LRP1B: variants seen among roughly 807,000 people sequenced by gnomAD.
The protein encoded by LRP1B is LDL receptor related protein 1B, also known as low-density lipoprotein receptor-related protein 1B.
A neutral mutation model predicts 556.6 loss-of-function variants in LRP1B; 217 were observed. The observed-to-expected ratio is 0.39, with a 90% confidence interval of 0.35 to 0.44. LRP1B has a LOEUF of 0.44. Among genes scored for constraint, LRP1B ranks in the 20% least tolerant of loss-of-function variants. The pLI is 1.00. For synonymous variants in LRP1B, 2,047 were observed against 1,865.8 expected, an observed-to-expected ratio of 1.10 and a Z score of -2.50; for missense variants, 5,053 against 5,620.8, an observed-to-expected ratio of 0.90 and a Z score of 3.23.
In LRP1B at chr2:141,684,308, A is replaced by G. The variant is rs530710374; in HGVS notation, c.205+125971T>C. 4.6e-5 allele frequency among the ~76,000 whole-genome samples: 7 copies of G among 152,280 alleles called. No individual in the cohort carries two copies. The East Asian group carries it at 1.2e-3, about 25-fold the overall frequency. On this transcript the variant is annotated intron_variant, in intron 2 of 90. Coordinates refer to ENST00000389484, the MANE Select transcript of LRP1B (RefSeq NM_018557.3). ...ATGAGTTCATGCCCATTGCAGGGAC[A>G]TGGATGAAGATGGAAACCATCATTC...
At chr2:141,002,301 A>T (rs1415467506) in intron 15 of LRP1B, among the ~76,000 whole-genome samples, 2 of 152,104 alleles carry the variant, frequency 1.3e-5, no homozygotes, top group African/African-American at 4.8e-5. Flanking sequence ...TAGAATAGGT[A>T]CAAATTTGTA....
intron 3 of LRP1B, among the ~76,000 whole-genome samples, chr2:141,462,088 A>G (rs1681897831): frequency 6.6e-6 from 1 of 152,192 alleles, no homozygotes; most frequent in Non-Finnish European, 1.5e-5. Flanking sequence ...TAAAGTTGGT[A>G]TAAATCAATT....
At chr2:141,999,885 G>A (rs1023909826) in intron 1 of LRP1B, among the ~76,000 whole-genome samples, 16 of 151,220 alleles carry the variant, frequency 1.1e-4, no homozygotes, top group South Asian at 2.1e-4. Context: ...TCCCTAATTT[G>A]GTAATTAAAA....
At chr2:140,430,502 C>G (rs1473679211) in intron 66 of LRP1B, among the ~76,000 whole-genome samples, 1 of 152,148 alleles carries the variant, frequency 6.6e-6, no homozygotes, top group Non-Finnish European at 1.5e-5. Flanking sequence ...TTGCTCTAGG[C>G]AATGCTTATG....
At chr2:141,592,828 A>C (rs1200776819) in intron 2 of LRP1B, among the ~76,000 whole-genome samples, 3 of 152,152 alleles carry the variant, frequency 2.0e-5, no homozygotes, top group African/African-American at 4.8e-5. Flanking sequence ...AATCCTTGGT[A>C]CTCTGGAGTG....
At chr2:141,125,594 A>G (rs1474038717) in intron 7 of LRP1B, among the ~76,000 whole-genome samples, 2 of 152,170 alleles carry the variant, frequency 1.3e-5, no homozygotes, top group Non-Finnish European at 2.9e-5. Context: ...ACGCCCTTGC[A>G]CAGTGAAGGC....
At chr2:140,479,081 G>A (rs1688106536) in intron 59 of LRP1B, among the ~76,000 whole-genome samples, 1 of 151,882 alleles carries the variant, frequency 6.6e-6, no homozygotes, top group Non-Finnish European at 1.5e-5. Flanking sequence ...TTATACTGAA[G>A]GAAAATGTTG....
chr2:141,264,870 C>T (rs999722234), intron 3 of LRP1B, among the ~76,000 whole-genome samples: 7 of 152,146 alleles, frequency 4.6e-5, no homozygotes, highest in Admixed American at 1.3e-4. Context: ...TGTGCCTGGT[C>T]AAGCCTTGGG....
intron 35 of LRP1B, among the ~76,000 whole-genome samples, chr2:140,738,953 A>T (rs1205861023): frequency 6.6e-6 from 1 of 152,196 alleles, no homozygotes; most frequent in East Asian, 1.9e-4. Flanking sequence ...AAGTAAATAG[A>T]AACAGCAATA....
chr2:141,750,300 C>T (rs1694063586), intron 2 of LRP1B, among the ~76,000 whole-genome samples: 1 of 152,078 alleles, frequency 6.6e-6, no homozygotes, highest in Non-Finnish European at 1.5e-5. Context: ...TGATAATTGC[C>T]CTTCTATTTC....
intron 20 of LRP1B, among the ~76,000 whole-genome samples, chr2:140,937,382 G>T (rs1695260629): frequency 6.6e-6 from 1 of 152,096 alleles, no homozygotes; most frequent in Admixed American, 6.6e-5. Context: ...ACTTATATTA[G>T]ATACTTAGAG....
intron 3 of LRP1B, among the ~76,000 whole-genome samples, chr2:141,458,266 C>T (rs1244350397): frequency 2.0e-5 from 3 of 152,158 alleles, no homozygotes; most frequent in Non-Finnish European, 2.9e-5. Flanking sequence ...AGTGTTTCTA[C>T]TTTTCTCCTT....
At chr2:141,915,964 C>T (rs1015360612) in intron 1 of LRP1B, among the ~76,000 whole-genome samples, 31 of 152,098 alleles carry the variant, frequency 2.0e-4, no homozygotes, top group African/African-American at 4.6e-4. Flanking sequence ...AAAGAGAATG[C>T]GTATACATTG....
At chr2:140,391,224 A>C (rs1478593467) in intron 66 of LRP1B, among the ~76,000 whole-genome samples, 1 of 152,178 alleles carries the variant, frequency 6.6e-6, no homozygotes, top group Non-Finnish European at 1.5e-5. Context: ...ATAAGTCAAA[A>C]ATATTTTTGA....
intron 86 of LRP1B, among the ~76,000 whole-genome samples, chr2:140,254,553 GTTTGT>G (rs1187620101): frequency 2.0e-5 from 3 of 151,896 alleles, no homozygotes; most frequent in Non-Finnish European, 4.4e-5. Context: ...TGTTTTGTTT[GTTTGT>G]TTTGTTTTGT....
At chr2:140,510,969 G>C (rs1189276703) in intron 51 of LRP1B, among the ~76,000 whole-genome samples, 1 of 151,738 alleles carries the variant, frequency 6.6e-6, no homozygotes, top group Admixed American at 6.6e-5. Context: ...AAAAGTACCT[G>C]AGTGAATCAG....
intron 2 of LRP1B, among the ~76,000 whole-genome samples, chr2:141,560,761 G>A (rs1432193719): frequency 2.6e-5 from 4 of 151,504 alleles, no homozygotes; most frequent in Non-Finnish European, 5.9e-5. Context: ...ACTCCAACTA[G>A]TTTCAGGTCA....
chr2:140,645,533 CT>C (rs36082249), intron 41 of LRP1B, among the ~76,000 whole-genome samples: 4,995 of 81,218 alleles, frequency 0.062, 35 homozygotes, highest in Admixed American at 0.093. Context: ...TGCCAATATT[CT>C]TTTTTTTTTT....
At chr2:140,883,618 CAA>C (rs1359719979) in intron 25 of LRP1B, among the ~76,000 whole-genome samples, 197 bp downstream of exon 25, 2 of 151,954 alleles carry the variant, frequency 1.3e-5, no homozygotes, top group Non-Finnish European at 2.9e-5. Flanking sequence ...ATCCTATCAC[CAA>C]ACTTGTGGTA....
Sources: gnomAD v4.1 joint callset for allele counts (sites outside exome capture counted in the v4.1 genomes callset) on GRCh38, gnomAD v4.1.1 for gene constraint, MANE v1.5 for transcripts, NCBI Gene and HGNC (gene_info 2026-07-23, HGNC 2026-07-21) for gene names.